Variants in DMXL2 observed in about 807,000 individuals in gnomAD.
The protein encoded by DMXL2 is dmX-like protein 2.
Under a neutral mutation model 331.1 loss-of-function variants are expected in DMXL2, and 103 were observed. That is an observed-to-expected ratio of 0.31 (90% confidence interval 0.27 to 0.37). The LOEUF is 0.37. Ranked by LOEUF, DMXL2 falls within the 10% of genes least tolerant of loss-of-function variation. The pLI is 1.00. For synonymous variants in DMXL2, 1,281 were observed against 1,252.1 expected (o/e 1.02, Z -0.49); for missense variants, 3,171 against 3,642.9 (o/e 0.87, Z 3.33).
At chr15:51,583,424 A>G (rs1450428696) in intron 1 of DMXL2, among the ~76,000 whole-genome samples, 1 of 59,080 alleles carries the variant, frequency 1.7e-5, no homozygotes, top group Non-Finnish European at 3.5e-5. Context: ...TTGGTTTCCA[A>G]TTTCATCCAT....
chr15:51,542,713 G>C (rs1323895030), intron 8 of DMXL2, among the ~76,000 whole-genome samples: 1 of 151,988 alleles, frequency 6.6e-6, no homozygotes, highest in Non-Finnish European at 1.5e-5. Flanking sequence ...AAAAAGCAGT[G>C]TGCAAAAATA....
At chr15:51,498,518 T>G in intron 18 of DMXL2, 34 bp downstream of exon 18, 1 of 1,576,918 alleles carries the variant, frequency 6.3e-7, no homozygotes, top group Non-Finnish European at 8.6e-7. Context: ...TTCTATTAGG[T>G]ACAACTTTAT....
At position 51,450,622 on chromosome 15, in the gene DMXL2, A is replaced by G. The variant is rs560127664; in HGVS notation, c.8750-276T>C. The G allele has an allele frequency of 8.8e-4, 358 of 406,848 alleles. 3 individuals carry two copies. Among genetic ancestry groups the G allele is most frequent in the Non-Finnish European group, 2.3e-4 (50 of 216,942 alleles). 25.2% of individuals were successfully genotyped at this position (406,848 alleles called of 1,614,324 possible). On this transcript the variant is annotated intron_variant, in intron 42 of 43. Coordinates refer to ENST00000560891, the MANE Select transcript of DMXL2 (RefSeq NM_001378457.1). ...TAAGCCCTAAGTGATACTGCCTCAT[A>G]AAAAGTATACAGAAGAGCAGAGACC...
chr15:51,500,607 A>G (rs992638121), intron 17 of DMXL2, among the ~76,000 whole-genome samples: 1 of 152,182 alleles, frequency 6.6e-6, no homozygotes, highest in African/African-American at 2.4e-5. Flanking sequence ...TTCATACTAT[A>G]TATTTAATCA....
chr15:51,451,582 CATTCCTTCATGGTGTATT>C (rs2039142386), intron 42 of DMXL2, 45 bp downstream of exon 42: 11 of 1,265,896 alleles, frequency 8.7e-6, no homozygotes, highest in African/African-American at 4.5e-5. Context: ...ACCAAGAAAG[CATTCCTTCATGGTGTATT>C]ATTCCTTCAT....
At position 51,481,093 on chromosome 15, in the gene DMXL2, C is replaced by T; in HGVS notation, c.6013G>A (p.Glu2005Lys). Residue 2005 changes from glutamate (E) to lysine (K), a missense_variant, in exon 24 of 44, where the codon GAA (glutamate) becomes AAA (lysine). Physicochemically the swap from Glu to Lys is moderately conservative, Grantham distance 56. This residue lies in a region of DMXL2 where 244 missense variants were observed against 251.4 expected (regional missense o/e 0.97). Transcript: ENST00000560891. ...GLVMKSTDAR[E>K]KDKQSDQKAS... ...TTCTGATCTGATTGTTTATCTTTTT[C>T]CCTGGCATCTGTACTTTTCATCACT... is the stretch of plus-strand genomic sequence containing the variant. 1 of 1,613,338 alleles carries T rather than the reference C, an allele frequency of 6.2e-7. No homozygotes were observed. The highest frequency in any genetic ancestry group is 8.5e-7 in the Non-Finnish European group (1 of 1,179,508).
chr15:51,541,062 C>T lies in DMXL2; in HGVS notation c.1105+1271G>A, dbSNP rs79375300. 5.1e-3 allele frequency among the ~76,000 whole-genome samples: 771 copies of T among 152,100 alleles called. 16 individuals are homozygous for T. Among genetic ancestry groups the T allele is most frequent in the Admixed American group, 0.038 (586 of 15,272 alleles). On this transcript the variant is annotated intron_variant, in intron 9 of 43. Transcript: ENST00000560891. ...ATTTTTATCACAGTAATTCAAGAAACGGTTCTTTTAAAAAGGTTAAAAATT... is the reference window on the plus strand; with the variant it reads ...ATTTTTATCACAGTAATTCAAGAAATGGTTCTTTTAAAAAGGTTAAAAATT...
chr15:51,576,288 C>T, intron 1 of DMXL2, 107 bp from the exon 2 acceptor site: 1 of 828,104 alleles, frequency 1.2e-6, no homozygotes, highest in Non-Finnish European at 1.7e-6. Context: ...ATAAAGTATA[C>T]CTTGGGACAT....
At chr15:51,506,282 C>T (rs1407996982) in intron 16 of DMXL2, among the ~76,000 whole-genome samples, 2 of 151,954 alleles carry the variant, frequency 1.3e-5, no homozygotes, top group South Asian at 2.1e-4. Flanking sequence ...AGGCTGATCT[C>T]GAATTCCTGT....
chr15:51,509,978 C>A (rs2046655392), intron 15 of DMXL2, among the ~76,000 whole-genome samples: 1 of 152,108 alleles, frequency 6.6e-6, no homozygotes. Context: ...TCAATAGATA[C>A]AGAAAAGGCC....
At chr15:51,591,292 GC>G (rs2052305561) in intron 1 of DMXL2, among the ~76,000 whole-genome samples, 2 of 152,318 alleles carry the variant, frequency 1.3e-5, no homozygotes, top group East Asian at 3.9e-4. Context: ...TATATCCCGC[GC>G]CTGGCTCGGA....
intron 6 of DMXL2, among the ~76,000 whole-genome samples, chr15:51,548,770 C>G (rs1480524849): frequency 6.6e-6 from 1 of 151,958 alleles, no homozygotes; most frequent in Non-Finnish European, 1.5e-5. Flanking sequence ...AGAAAGTTAT[C>G]TAGAAAATTC....
At chr15:51,543,896 T>C (rs1470117581) in intron 8 of DMXL2, among the ~76,000 whole-genome samples, 1 of 152,106 alleles carries the variant, frequency 6.6e-6, no homozygotes, top group Non-Finnish European at 1.5e-5. Flanking sequence ...CCATGGAGGA[T>C]ACAAAGATGT....
intron 20 of DMXL2, among the ~76,000 whole-genome samples, chr15:51,489,496 ATAC>A (rs2042637339): frequency 1.3e-5 from 2 of 152,166 alleles, no homozygotes; most frequent in East Asian, 3.9e-4. Flanking sequence ...GTCTCTACTA[ATAC>A]TACAAAAATT....
At chr15:51,620,409 A>T (rs2054553176) in intron 1 of DMXL2, among the ~76,000 whole-genome samples, 1 of 152,252 alleles carries the variant, frequency 6.6e-6, no homozygotes, top group Non-Finnish European at 1.5e-5. Flanking sequence ...GTCTTGTTGC[A>T]ACATAAAAAT....
intron 28 of DMXL2, 26 bp downstream of exon 28, chr15:51,474,318 C>A: frequency 6.3e-7 from 1 of 1,578,398 alleles, no homozygotes; most frequent in Non-Finnish European, 8.6e-7. Flanking sequence ...CATTTACATA[C>A]ATTACTGGTA....
intron 29 of DMXL2, among the ~76,000 whole-genome samples, chr15:51,469,127 G>A (rs2040862909): frequency 6.6e-6 from 1 of 151,704 alleles, no homozygotes; most frequent in Non-Finnish European, 1.5e-5. Context: ...CTGAATATGT[G>A]ATAATATTAA....
intron 1 of DMXL2, among the ~76,000 whole-genome samples, chr15:51,595,845 G>T (rs1270615971): frequency 2.0e-5 from 3 of 152,208 alleles, no homozygotes; most frequent in African/African-American, 7.2e-5. Flanking sequence ...AATAAATGGT[G>T]CTGGGAAAAC....
intron 30 of DMXL2, among the ~76,000 whole-genome samples, chr15:51,465,924 C>CT (rs1179517291): frequency 3.9e-5 from 6 of 152,074 alleles, no homozygotes; most frequent in Non-Finnish European, 7.4e-5. Flanking sequence ...ATATTAAACT[C>CT]TAATAGTATA....
Sources: allele counts gnomAD v4.1 joint callset (sites outside exome capture counted in the v4.1 genomes callset), GRCh38; gene constraint gnomAD v4.1.1; regional missense constraint gnomAD v4.1.1; transcripts MANE v1.5; gene names NCBI Gene and HGNC (gene_info 2026-07-23, HGNC 2026-07-21).